CFAP58: variants seen among roughly 807,000 people sequenced by gnomAD.
CFAP58 encodes cilia- and flagella-associated protein 58.
CFAP58 carries 88 observed loss-of-function variants against 119.5 expected under a neutral mutation model. The observed-to-expected ratio is 0.74, with a 90% CI of 0.62 to 0.88. The LOEUF (loss-of-function observed/expected upper bound fraction) is 0.88, where lower values mean the gene tolerates loss of function less well. Ranked by LOEUF, CFAP58 falls within the 40% of genes least tolerant of loss-of-function variation. CFAP58 has a pLI of 0.00. For missense variants in CFAP58, 990 were observed against 1,021.2 expected (o/e 0.97, Z 0.42); for synonymous variants, 365 against 366.3 (o/e 1.00, Z 0.04).
At chr10:104,397,853 G>T (rs2012192360) in intron 11 of CFAP58, among the ~76,000 whole-genome samples, 1 of 152,174 alleles carries the variant, frequency 6.6e-6, no homozygotes, top group African/African-American at 2.4e-5. Flanking sequence ...TTCCTGTAAC[G>T]TATGTAACTT....
chr10:104,418,399 T>G (rs1271158564), intron 15 of CFAP58, among the ~76,000 whole-genome samples: 1 of 152,084 alleles, frequency 6.6e-6, no homozygotes, highest in African/African-American at 2.4e-5. Flanking sequence ...ATACAAAAAA[T>G]TAGCCGGGCA....
At chr10:104,402,033 G>C (rs2012275215) in intron 13 of CFAP58, among the ~76,000 whole-genome samples, 1 of 152,100 alleles carries the variant, frequency 6.6e-6, no homozygotes, top group Non-Finnish European at 1.5e-5. Flanking sequence ...TTCCCATTCA[G>C]TATTGCTAGT....
intron 9 of CFAP58, among the ~76,000 whole-genome samples, chr10:104,382,713 A>T (rs2011838560): frequency 6.6e-6 from 1 of 152,076 alleles, no homozygotes; most frequent in South Asian, 2.1e-4. Context: ...TTGGTTTTAT[A>T]AGTGTTTAGA....
chr10:104,395,302 T>C (rs993354054), intron 11 of CFAP58, among the ~76,000 whole-genome samples: 4 of 152,288 alleles, frequency 2.6e-5, no homozygotes, highest in South Asian at 2.1e-4. Context: ...GCCAGCAGAT[T>C]TGGCAGCTGG....
chr10:104,348,437 G>C, the CFAP58 span, among the ~76,000 whole-genome samples: 5 of 152,162 alleles, frequency 3.3e-5, no homozygotes, highest in Non-Finnish European at 7.4e-5. Flanking sequence ...TCTAAGAGGC[G>C]ATTCTATCCA....
chr10:104,400,175 C>A lies in CFAP58; in HGVS notation c.1816-505C>A, dbSNP rs189614462. Among the ~76,000 whole-genome samples the A allele has an allele frequency of 5.2e-4, 79 of 152,284 alleles. 1 individual carries two copies. Among genetic ancestry groups the A allele is most frequent in the Admixed American group, 3.1e-3 (48 of 15,292 alleles). On this transcript the variant is annotated intron_variant, in intron 12 of 17. Transcript: ENST00000369704. ...ATTATTATTATTTTTGAGACAGAGT[C>A]TCTCTCTGTCACCCAGGCTGGAGTG...
In CFAP58 at chr10:104,410,801, A is replaced by G. The variant is rs867470233; in HGVS notation, c.2256+4008A>G. Among the ~76,000 whole-genome samples, 11 of 151,982 alleles carry G rather than the reference A, an allele frequency of 7.2e-5. No individual in the cohort carries two copies. In the Middle Eastern group the frequency reaches 0.01, roughly 141 times the overall value. Reference sequence around the variant, plus strand: ...GAATAGTCTCTTCTTTAGTGTCTTTATTCACTCCTCCTGGAACTCTTATTA... The same window carrying G: ...GAATAGTCTCTTCTTTAGTGTCTTTGTTCACTCCTCCTGGAACTCTTATTA... On this transcript the variant is annotated intron_variant, in intron 15 of 17. Transcript: ENST00000369704.
intron 15 of CFAP58, among the ~76,000 whole-genome samples, chr10:104,441,711 T>C (rs2013039513): frequency 6.6e-6 from 1 of 152,222 alleles, no homozygotes; most frequent in Non-Finnish European, 1.5e-5. Flanking sequence ...ATAAAACACT[T>C]ACTCATCTAC....
chr10:104,440,507 C>T (rs1386314236), intron 15 of CFAP58, among the ~76,000 whole-genome samples: 1 of 152,126 alleles, frequency 6.6e-6, no homozygotes, highest in African/African-American at 2.4e-5. Context: ...GAGCCCTCTC[C>T]AGTCCAAACA....
chr10:104,408,530 C>T (rs568309112), intron 15 of CFAP58, among the ~76,000 whole-genome samples: 4 of 152,288 alleles, frequency 2.6e-5, no homozygotes, highest in Admixed American at 6.5e-5. Context: ...GACTTGGTCC[C>T]GGCAGTCACT....
chr10:104,414,705 T>C (rs554650379), intron 15 of CFAP58, among the ~76,000 whole-genome samples: 1 of 152,338 alleles, frequency 6.6e-6, no homozygotes, highest in South Asian at 2.1e-4. Flanking sequence ...ATTCTTGCTC[T>C]GTCACCCAGG....
intron 4 of CFAP58, among the ~76,000 whole-genome samples, chr10:104,365,500 G>A (rs2014729448): frequency 6.6e-6 from 1 of 152,078 alleles, no homozygotes; most frequent in African/African-American, 2.4e-5. Context: ...GATAAAGAAC[G>A]GGATGAATTC....
chr10:104,416,427 C>T (rs1291955079), intron 15 of CFAP58, among the ~76,000 whole-genome samples: 5 of 152,160 alleles, frequency 3.3e-5, no homozygotes, highest in African/African-American at 1.2e-4. Flanking sequence ...GCATCTGAGC[C>T]CTGCCCTTTC....
chr10:104,403,779 G>T lies in CFAP58; in HGVS notation c.2090G>T (p.Cys697Phe). 1 of 1,612,976 alleles carries T rather than the reference G, an allele frequency of 6.2e-7. No homozygotes were observed. The highest frequency in any genetic ancestry group is 8.5e-7 in the Non-Finnish European group (1 of 1,179,640). Residue 697 changes from cysteine (C) to phenylalanine (F), a missense_variant, in exon 14 of 18, where the codon TGC becomes TTC. Physicochemically the swap from Cys to Phe is radical, Grantham distance 205. Coordinates refer to ENST00000369704, the MANE Select transcript of CFAP58 (RefSeq NM_001008723.2). ...QRELLKERTRCRALEEELENP... is the reference protein window; with the variant it reads ...QRELLKERTRFRALEEELENP... ...GAATTGTTGAAGGAGAGGACACGCTGCCGAGCCCTGGAGGAGGAGCTGGAG... is the reference window on the plus strand; with the variant it reads ...GAATTGTTGAAGGAGAGGACACGCTTCCGAGCCCTGGAGGAGGAGCTGGAG...
At chr10:104,358,144 T>TAA (rs2014618901) in intron 1 of CFAP58, among the ~76,000 whole-genome samples, 197 bp from the exon 2 acceptor site, 1 of 151,580 alleles carries the variant, frequency 6.6e-6, no homozygotes, top group Non-Finnish European at 1.5e-5. Flanking sequence ...CACATATATA[T>TAA]GTACTTATAT....
At chr10:104,430,009 G>A (rs2012818474) in intron 15 of CFAP58, among the ~76,000 whole-genome samples, 1 of 152,104 alleles carries the variant, frequency 6.6e-6, no homozygotes, top group Admixed American at 6.5e-5. Flanking sequence ...TACATAATCA[G>A]GATAGCAGTG....
chr10:104,435,219 A>G (rs7899390), intron 15 of CFAP58, among the ~76,000 whole-genome samples: 1 of 152,194 alleles, frequency 6.6e-6, no homozygotes, highest in Non-Finnish European at 1.5e-5. Context: ...TGTTGGCTCA[A>G]GGCTGTAATC....
At chr10:104,450,557 G>A (rs1387532707) in intron 17 of CFAP58, among the ~76,000 whole-genome samples, 1 of 152,158 alleles carries the variant, frequency 6.6e-6, no homozygotes, top group Non-Finnish European at 1.5e-5. Context: ...GCCTTGTACA[G>A]CATATTCACA....
intron 15 of CFAP58, among the ~76,000 whole-genome samples, chr10:104,410,778 A>G (rs949028608): frequency 6.6e-6 from 1 of 152,114 alleles, no homozygotes; most frequent in African/African-American, 2.4e-5. Flanking sequence ...GTGTCTTCGA[A>G]TAGTCTCTTC....
Sources: allele counts gnomAD v4.1 joint callset (sites outside exome capture counted in the v4.1 genomes callset), GRCh38; gene constraint gnomAD v4.1.1; transcripts MANE v1.5; gene names NCBI Gene and HGNC (gene_info 2026-07-23, HGNC 2026-07-21).